Variants in BFSP2 observed in about 807,000 individuals in gnomAD.
BFSP2 encodes phakinin.
In BFSP2, 38 loss-of-function variants were observed where a neutral mutation model predicts 44.9. The observed-to-expected ratio is 0.85, with a 90% CI of 0.65 to 1.11. The LOEUF (loss-of-function observed/expected upper bound fraction) is 1.11. Ranked by LOEUF, BFSP2 falls within the 50% of genes least tolerant of loss-of-function variation. The probability of loss-of-function intolerance (pLI) is 0.00; values close to 1 mark genes in which losing one functional copy is unlikely to be tolerated. For missense variants in BFSP2, 525 were observed against 533.0 expected, an observed-to-expected ratio of 0.99 and a Z score of 0.15; for synonymous variants, 197 against 209.9, an observed-to-expected ratio of 0.94 and a Z score of 0.53.
At chr3:133,431,923 G>A (rs1264752929) in intron 1 of BFSP2, among the ~76,000 whole-genome samples, 2 of 151,942 alleles carry the variant, frequency 1.3e-5, no homozygotes, top group Non-Finnish European at 2.9e-5. Context: ...GACTATTCCT[G>A]GATTACAGCC....
intron 1 of BFSP2, among the ~76,000 whole-genome samples, chr3:133,440,393 G>C (rs1305167106): frequency 6.6e-6 from 1 of 152,178 alleles, no homozygotes; most frequent in Non-Finnish European, 1.5e-5. Context: ...ATCTGGATGT[G>C]CCTGGGGCTC....
intron 1 of BFSP2, among the ~76,000 whole-genome samples, chr3:133,425,433 G>A (rs57912994): frequency 1.3e-5 from 2 of 152,278 alleles, no homozygotes; most frequent in East Asian, 1.9e-4. Context: ...CCTCTCCCAA[G>A]ATCCCTTTCA....
chr3:133,417,934 A>C (rs1311233002), intron 1 of BFSP2, among the ~76,000 whole-genome samples: 110 of 31,272 alleles, frequency 3.5e-3, no homozygotes, highest in African/African-American at 4.1e-3. Flanking sequence ...CCCTCTACTC[A>C]CCCGTCCTCT....
chr3:133,463,439 C>T (rs1300008048), intron 4 of BFSP2, among the ~76,000 whole-genome samples: 2 of 152,220 alleles, frequency 1.3e-5, no homozygotes, highest in African/African-American at 2.4e-5. Flanking sequence ...TATACGTTGG[C>T]ATGCTTCTGG....
intron 4 of BFSP2, among the ~76,000 whole-genome samples, chr3:133,454,889 T>C (rs570468915): frequency 6.6e-6 from 1 of 152,366 alleles, no homozygotes; most frequent in African/African-American, 2.4e-5. Flanking sequence ...GAGGGGGTTT[T>C]TTTAACCTTT....
intron 1 of BFSP2, among the ~76,000 whole-genome samples, chr3:133,401,154 G>A (rs1268941025): frequency 1.3e-5 from 2 of 152,174 alleles, no homozygotes; most frequent in African/African-American, 4.8e-5. Context: ...AGTAAAACAC[G>A]TAAAAAGAAG....
intron 1 of BFSP2, among the ~76,000 whole-genome samples, chr3:133,412,946 A>G (rs1195499023): frequency 6.6e-6 from 1 of 152,212 alleles, no homozygotes; most frequent in African/African-American, 2.4e-5. Flanking sequence ...TGCTGGTTAG[A>G]TACTGACGTG....
intron 1 of BFSP2, among the ~76,000 whole-genome samples, chr3:133,437,095 A>C (rs2073792743): frequency 6.6e-6 from 1 of 152,190 alleles, no homozygotes; most frequent in African/African-American, 2.4e-5. Context: ...TAGCAGCATG[A>C]TTTATAATCC....
chr3:133,416,931 G>C (rs1322919368), intron 1 of BFSP2, among the ~76,000 whole-genome samples: 28 of 36,900 alleles, frequency 7.6e-4, no homozygotes, highest in South Asian at 2.2e-3. Context: ...CCCGTCCTCT[G>C]CCCTCTACTC....
At position 133,450,479 on chromosome 3, in the gene BFSP2, C is replaced by T. The variant is rs752111472; in HGVS notation, c.891+15C>T. 23 of 1,613,734 alleles carry T rather than the reference C, an allele frequency of 1.4e-5. No homozygotes were observed. The East Asian group carries it at 4.9e-4, about 34-fold the overall frequency. ...TCCAAGCTAAGGTGAGAGGCAGGAC[C>T]AGCATCCTCCACTCTGCCCTATGCA... is the stretch of plus-strand genomic sequence containing the variant. On this transcript the variant is annotated intron_variant, in intron 4 of 6. Coordinates refer to ENST00000302334, the MANE Select transcript of BFSP2 (RefSeq NM_003571.4).
At chr3:133,443,346 AC>A (rs1170244515) in intron 1 of BFSP2, among the ~76,000 whole-genome samples, 1 of 152,182 alleles carries the variant, frequency 6.6e-6, no homozygotes, top group East Asian at 1.9e-4. Context: ...GATAGATCAG[AC>A]CATTTAGTGA....
intron 1 of BFSP2, chr3:133,445,712 A>G (rs1365803303): frequency 2.0e-5 from 3 of 152,216 alleles, no homozygotes; most frequent in Non-Finnish European, 4.4e-5. Flanking sequence ...ATTGGGTATC[A>G]TAAGTAATCT....
chr3:133,442,035 T>C (rs1007446488), intron 1 of BFSP2, among the ~76,000 whole-genome samples: 3 of 152,142 alleles, frequency 2.0e-5, no homozygotes, highest in Non-Finnish European at 4.4e-5. Context: ...TTTGGAGCAA[T>C]GGAAGAGTAA....
chr3:133,447,427 C>G, intron 2 of BFSP2, 28 bp downstream of exon 2: 1 of 1,601,036 alleles, frequency 6.2e-7, no homozygotes, highest in Non-Finnish European at 8.5e-7. Context: ...AGGCGACAGT[C>G]CCTCCACATC....
chr3:133,420,394 T>C (rs2107893436), intron 1 of BFSP2, among the ~76,000 whole-genome samples: 1 of 152,278 alleles, frequency 6.6e-6, no homozygotes, highest in South Asian at 2.1e-4. Flanking sequence ...GAAGCAGCAG[T>C]CATCACTCGA....
intron 1 of BFSP2, among the ~76,000 whole-genome samples, chr3:133,416,950 C>T (rs1410940492): frequency 7.3e-6 from 1 of 137,454 alleles, no homozygotes; most frequent in Non-Finnish European, 1.6e-5. Flanking sequence ...TCACCCCGTC[C>T]TCTCCCCTCT....
chr3:133,436,716 A>T (rs2073787417), intron 1 of BFSP2, among the ~76,000 whole-genome samples: 1 of 152,154 alleles, frequency 6.6e-6, no homozygotes, highest in Admixed American at 6.5e-5. Flanking sequence ...TTAACTTGTC[A>T]TTTACATTAG....
chr3:133,405,501 T>C (rs555706701), intron 1 of BFSP2, among the ~76,000 whole-genome samples: 1 of 152,276 alleles, frequency 6.6e-6, no homozygotes, highest in African/African-American at 2.4e-5. Context: ...CCCACAGAAC[T>C]TGTGGTCCTA....
chr3:133,474,507 T>G (rs552918712), intron 6 of BFSP2, among the ~76,000 whole-genome samples: 1 of 152,336 alleles, frequency 6.6e-6, no homozygotes, highest in African/African-American at 2.4e-5. Context: ...AACTGTCTTT[T>G]ATTGAATTGA....
Sources: gnomAD v4.1 joint callset for allele counts (sites outside exome capture counted in the v4.1 genomes callset) on GRCh38, gnomAD v4.1.1 for gene constraint, MANE v1.5 for transcripts, NCBI Gene and HGNC (gene_info 2026-07-23, HGNC 2026-07-21) for gene names.